Variants in DAPK1 observed in about 807,000 individuals in gnomAD.
DAPK1 encodes the protein death-associated protein kinase 1.
In DAPK1, 56 loss-of-function variants were observed where a neutral mutation model predicts 144.9. That is an observed-to-expected ratio of 0.39 (90% confidence interval 0.31 to 0.48). DAPK1 has a LOEUF of 0.48. DAPK1 is among the 20% of genes least tolerant of loss of function. The pLI, the probability that DAPK1 is intolerant of heterozygous loss-of-function variation, is 0.95. For synonymous variants in DAPK1, 690 were observed against 749.0 expected (o/e 0.92, Z 1.29); for missense variants, 1,454 against 1,875.4 (o/e 0.78, Z 4.15).
Position 87,643,395 on chromosome 9 carries a change from C to T in DAPK1, c.938C>T (p.Ser313Leu), listed in dbSNP as rs1159538148. Residue 313 changes from serine to leucine, a missense_variant, in exon 11 of 26, where the codon TCA (serine) becomes TTA (leucine). This residue lies in a region of DAPK1 where 429 missense variants were observed against 637.5 expected (regional missense o/e 0.67). Coordinates refer to ENST00000408954, the MANE Select transcript of DAPK1 (RefSeq NM_004938.4). Reference sequence around the variant, plus strand: ...AAAAAGCAATCCGTTCGCTTGATATCACTGTGCCAAAGATTATCCAGGTCA... The same window carrying T: ...AAAAAGCAATCCGTTCGCTTGATATTACTGTGCCAAAGATTATCCAGGTCA... ...KKWKQSVRLI[S>L]LCQRLSRSFL... is the part of the protein sequence containing the mutation. 4.7e-5 allele frequency: 70 copies of T among 1,474,864 alleles called. No homozygotes were observed. Among genetic ancestry groups the T allele is most frequent in the Non-Finnish European group, 6.0e-5 (66 of 1,091,702 alleles). 91.4% of individuals were successfully genotyped at this position (1,474,864 alleles called of 1,614,324 possible).
chr9:87,564,621 C>T (rs1306455514), intron 2 of DAPK1, among the ~76,000 whole-genome samples: 1 of 127,168 alleles, frequency 7.9e-6, no homozygotes, highest in Non-Finnish European at 1.7e-5. Flanking sequence ...GAGGAAGGAG[C>T]AAGAGGGAGG....
chr9:87,610,296 C>A (rs986349049), intron 3 of DAPK1, among the ~76,000 whole-genome samples: 2 of 152,244 alleles, frequency 1.3e-5, no homozygotes, highest in African/African-American at 4.8e-5. Context: ...TCCCATTGTT[C>A]TCTAATGAAG....
chr9:87,569,431 A>G (rs1434801812), intron 2 of DAPK1, among the ~76,000 whole-genome samples: 1 of 152,242 alleles, frequency 6.6e-6, no homozygotes, highest in Non-Finnish European at 1.5e-5. Flanking sequence ...TATGTGCTTC[A>G]TCGCAGGTGC....
intron 2 of DAPK1, among the ~76,000 whole-genome samples, chr9:87,560,802 A>G (rs991667274): frequency 6.6e-6 from 1 of 151,654 alleles, no homozygotes; most frequent in Non-Finnish European, 1.5e-5. Flanking sequence ...AGTAGCTAAG[A>G]TTATAGGCAC....
Position 87,706,092 on chromosome 9 carries a change from G to T in DAPK1, c.3061-40G>T. On this transcript the variant is annotated intron_variant, in intron 25 of 25. Transcript: ENST00000408954. The surrounding 1 kb of genome is among the most constrained non-coding windows in gnomAD (Gnocchi z 9.0). ...TAAGTGGCTGGTGCACCTGGCCAGG[G>T]CTCTGTCCCTAAGCGTGACTTTCTG... is the stretch of plus-strand genomic sequence containing the variant. 1 of 1,516,820 alleles carries T rather than the reference G, an allele frequency of 6.6e-7. No individual in the cohort carries two copies. The highest frequency in any genetic ancestry group is 9.0e-7 in the Non-Finnish European group (1 of 1,112,702). 94.0% of individuals were successfully genotyped at this position (1,516,820 alleles called of 1,614,324 possible).
intron 3 of DAPK1, among the ~76,000 whole-genome samples, chr9:87,629,366 C>T (rs1182668782): frequency 6.6e-6 from 1 of 152,206 alleles, no homozygotes; most frequent in Non-Finnish European, 1.5e-5. Flanking sequence ...AGGGATTCCC[C>T]TCCAAGCTTT....
intron 18 of DAPK1, among the ~76,000 whole-genome samples, chr9:87,666,664 G>GTAAAACAT (rs1831065554): frequency 6.6e-6 from 1 of 151,910 alleles, no homozygotes; most frequent in Non-Finnish European, 1.5e-5. Flanking sequence ...AGTAAAGACG[G>GTAAAACAT]GGTTTCACCA....
chr9:87,633,780 G>A (rs899612771), intron 3 of DAPK1, among the ~76,000 whole-genome samples: 2 of 152,230 alleles, frequency 1.3e-5, no homozygotes, highest in African/African-American at 4.8e-5. Context: ...TCAAGATGGT[G>A]CATGTTCTAG....
At chr9:87,671,095 C>T (rs1169316276) in intron 19 of DAPK1, among the ~76,000 whole-genome samples, 3 of 152,192 alleles carry the variant, frequency 2.0e-5, no homozygotes, top group Non-Finnish European at 4.4e-5. Context: ...GAAGGTCCTT[C>T]TCCCGTCCTC....
chr9:87,675,405 G>C (rs1379155629), intron 19 of DAPK1, among the ~76,000 whole-genome samples: 1 of 152,076 alleles, frequency 6.6e-6, no homozygotes. Context: ...GGAGTGCAAG[G>C]GGCCGGGTAG....
chr9:87,588,022 C>T (rs528157764), intron 2 of DAPK1, among the ~76,000 whole-genome samples: 22 of 152,306 alleles, frequency 1.4e-4, no homozygotes, highest in East Asian at 9.6e-4. Context: ...ATGGTTAATA[C>T]GTTGTTTGTC....
At chr9:87,580,316 A>T (rs1307803813) in intron 2 of DAPK1, among the ~76,000 whole-genome samples, 2 of 152,142 alleles carry the variant, frequency 1.3e-5, no homozygotes, top group Non-Finnish European at 2.9e-5. Flanking sequence ...ATGTGGCTGG[A>T]TAGTGACCCC....
intron 2 of DAPK1, among the ~76,000 whole-genome samples, chr9:87,517,530 C>G (rs1825109297): frequency 1.3e-5 from 2 of 152,114 alleles, no homozygotes; most frequent in Non-Finnish European, 2.9e-5. Context: ...TTGCAAGACC[C>G]TTCAGAAACA....
At chr9:87,506,044 T>A (rs1032790239) in intron 2 of DAPK1, among the ~76,000 whole-genome samples, 1 of 152,194 alleles carries the variant, frequency 6.6e-6, no homozygotes, top group African/African-American at 2.4e-5. Context: ...CCCTTCACAT[T>A]TTATCCACCT....
intron 2 of DAPK1, among the ~76,000 whole-genome samples, chr9:87,570,628 G>A (rs1490974147): frequency 6.6e-6 from 1 of 152,196 alleles, no homozygotes; most frequent in African/African-American, 2.4e-5. Context: ...GGGACTGCTT[G>A]AGGAGTGAAA....
In DAPK1 at chr9:87,661,028, C is replaced by T. The variant is rs142584273; in HGVS notation, c.1923+2901C>T. ...CCCATTTTTGTATTTTTAGTAGAGACGGGGTTTCACCATGTTGGCCAGGAT... is the reference window on the plus strand; with the variant it reads ...CCCATTTTTGTATTTTTAGTAGAGATGGGGTTTCACCATGTTGGCCAGGAT... On this transcript the variant is annotated intron_variant, in intron 18 of 25. Transcript: ENST00000408954. Among the ~76,000 whole-genome samples, 1,456 of 152,116 alleles carry T rather than the reference C, an allele frequency of 9.6e-3. 18 individuals are homozygous for T. The highest frequency in any genetic ancestry group is 0.037 in the Middle Eastern group (11 of 294).
At chr9:87,526,213 A>G (rs1408565617) in intron 2 of DAPK1, among the ~76,000 whole-genome samples, 1 of 152,144 alleles carries the variant, frequency 6.6e-6, no homozygotes, top group African/African-American at 2.4e-5. Context: ...ACCTTTTAAT[A>G]TGCAATTCTG....
chr9:87,555,814 C>T (rs1337873419), intron 2 of DAPK1, among the ~76,000 whole-genome samples: 2 of 152,178 alleles, frequency 1.3e-5, no homozygotes, highest in Admixed American at 6.5e-5. Context: ...CACTTTAAAG[C>T]TTATCGTTAA....
At chr9:87,705,519 G>C (rs919226971) in intron 25 of DAPK1, among the ~76,000 whole-genome samples, 12 of 152,152 alleles carry the variant, frequency 7.9e-5, no homozygotes, top group African/African-American at 2.9e-4. Context: ...ACGGTGCCCA[G>C]CCTACTACAT....
Sources: allele counts gnomAD v4.1 joint callset (sites outside exome capture counted in the v4.1 genomes callset), GRCh38; gene constraint gnomAD v4.1.1; regional missense constraint gnomAD v4.1.1; non-coding constraint Gnocchi (gnomAD v3.1); transcripts MANE v1.5; gene names NCBI Gene and HGNC (gene_info 2026-07-23, HGNC 2026-07-21).